The following CCDC178 variants were observed in gnomAD, a reference collection of about 807,000 sequenced individuals.
The protein encoded by CCDC178 is coiled-coil domain-containing protein 178.
In CCDC178, 126 loss-of-function variants were observed where a neutral mutation model predicts 117.4. That is an observed-to-expected ratio of 1.07 (90% CI 0.93 to 1.24). The LOEUF is 1.24. Among genes scored for constraint, CCDC178 ranks in the 50% most tolerant of loss-of-function variants. The pLI is 0.00. For synonymous variants in CCDC178, 283 were observed against 313.4 expected (o/e 0.90, Z 1.02); for missense variants, 1,030 against 986.9 (o/e 1.04, Z -0.59).
At chr18:32,983,636 GTAGA>G (rs1332625611) in intron 21 of CCDC178, among the ~76,000 whole-genome samples, 4 of 152,048 alleles carry the variant, frequency 2.6e-5, no homozygotes, top group Non-Finnish European at 4.4e-5. Context: ...TAGAAAGAAG[GTAGA>G]TAGATAATAG....
intron 20 of CCDC178, among the ~76,000 whole-genome samples, chr18:33,147,356 ATTTTTTT>A (rs575608507): frequency 2.0e-4 from 19 of 94,618 alleles, no homozygotes; most frequent in Middle Eastern, 6.0e-3. Flanking sequence ...TGCCTTTTTA[ATTTTTTT>A]TTTTTTTTTT....
At chr18:33,025,134 A>G (rs558213621) in intron 21 of CCDC178, among the ~76,000 whole-genome samples, 1 of 152,330 alleles carries the variant, frequency 6.6e-6, no homozygotes, top group East Asian at 1.9e-4. Flanking sequence ...AACCAAGTGG[A>G]CTTTGTTGTA....
At position 33,266,895 on chromosome 18, in the gene CCDC178, G is replaced by C. The variant is rs201794599; in HGVS notation, c.1409+21C>G. The stretch of plus-strand genomic sequence containing the variant: ...CATATTGGATTATGGTATATAAGAA[G>C]AAAAGTATTTGCAAATTTACCTTTC... On this transcript the variant is annotated intron_variant, in intron 14 of 22. Transcript: ENST00000383096. 2,197 of 1,518,918 alleles carry C rather than the reference G, an allele frequency of 1.4e-3. 7 individuals carry two copies. Among genetic ancestry groups the C allele is most frequent in the South Asian group, 2.4e-3 (190 of 80,722 alleles). The allele number at this position is 1,518,918 out of a possible 1,614,324, so 94.1% of individuals were successfully genotyped here. A position where few individuals can be genotyped will look rare whatever the true frequency, so the allele number is the denominator to read the frequency against.
intron 20 of CCDC178, among the ~76,000 whole-genome samples, chr18:33,174,203 CA>C (rs1568033941): frequency 6.6e-6 from 1 of 152,034 alleles, no homozygotes; most frequent in Non-Finnish European, 1.5e-5. Context: ...TTTAAACGAC[CA>C]GATCTTGTAA....
intron 6 of CCDC178, among the ~76,000 whole-genome samples, chr18:33,364,963 G>A (rs1568177895): frequency 6.6e-6 from 1 of 152,078 alleles, no homozygotes; most frequent in East Asian, 1.9e-4. Flanking sequence ...CCAGGGGTGG[G>A]AGTGGGGATG....
chr18:33,188,563 A>C (rs1303651048), intron 20 of CCDC178, among the ~76,000 whole-genome samples: 1 of 152,176 alleles, frequency 6.6e-6, no homozygotes, highest in Admixed American at 6.5e-5. Flanking sequence ...TGCTGGTTTA[A>C]GGTGTAAAGG....
In CCDC178 at chr18:33,356,302, A is replaced by G. The variant is rs775512637; in HGVS notation, c.371+22T>C. 6.1e-6 allele frequency: 9 copies of G among 1,470,060 alleles called. 1 individual carries two copies. The South Asian group carries it at 1.0e-4, about 17-fold the overall frequency. The allele number at this position is 1,470,060 out of a possible 1,614,324, so 91.1% of individuals were successfully genotyped here. A position where few individuals can be genotyped will look rare whatever the true frequency, so the allele number is the denominator to read the frequency against. On this transcript the variant is annotated intron_variant, in intron 7 of 22. Coordinates refer to ENST00000383096, the MANE Select transcript of CCDC178 (RefSeq NM_001105528.4). ...TGGACATTAAAAATAAAATAGTTTT[A>G]AAAAGCATGAAATTTTCTTACCATT... is the stretch of plus-strand genomic sequence containing the variant.
intron 15 of CCDC178, among the ~76,000 whole-genome samples, chr18:33,231,011 A>G (rs2059362003): frequency 6.6e-6 from 1 of 152,210 alleles, no homozygotes; most frequent in African/African-American, 2.4e-5. Context: ...ATAGATTCTA[A>G]ATCCACTGGG....
At chr18:32,946,644 A>T (rs1225672992) in intron 22 of CCDC178, among the ~76,000 whole-genome samples, 1 of 151,066 alleles carries the variant, frequency 6.6e-6, no homozygotes, top group Non-Finnish European at 1.5e-5. Flanking sequence ...TATTTAATAT[A>T]GATTTGCTGA....
intron 21 of CCDC178, among the ~76,000 whole-genome samples, chr18:33,051,537 T>C (rs989553067): frequency 3.9e-5 from 6 of 152,216 alleles, no homozygotes; most frequent in Admixed American, 2.6e-4. Flanking sequence ...GACACGAAGA[T>C]TCAGAAAGTG....
chr18:33,063,694 A>C (rs574695275), intron 21 of CCDC178, among the ~76,000 whole-genome samples: 114 of 152,188 alleles, frequency 7.5e-4, no homozygotes, highest in African/African-American at 2.3e-3. Context: ...TAGGCACTCT[A>C]ATATACCTGT....
At chr18:33,378,713 A>T (rs4408612) in intron 5 of CCDC178, among the ~76,000 whole-genome samples, 135,121 of 152,212 alleles carry the variant, frequency 0.89, 62,213 homozygotes, top group East Asian at 1. Context: ...TTTGTTTTTA[A>T]TTCAACTTAT....
intron 21 of CCDC178, among the ~76,000 whole-genome samples, chr18:33,015,651 A>G (rs1187976246): frequency 6.6e-6 from 1 of 152,000 alleles, no homozygotes; most frequent in Non-Finnish European, 1.5e-5. Flanking sequence ...AAAAAAAAAA[A>G]TCCAAAAAGC....
At chr18:33,153,240 G>A (rs927521387) in intron 20 of CCDC178, among the ~76,000 whole-genome samples, 5 of 150,486 alleles carry the variant, frequency 3.3e-5, no homozygotes, top group African/African-American at 9.7e-5. Flanking sequence ...TTTGAAATAC[G>A]ACATTAAATA....
chr18:33,092,711 T>C, intron 21 of CCDC178, 50 bp downstream of exon 21: 6 of 1,320,800 alleles, frequency 4.5e-6, no homozygotes, highest in Non-Finnish European at 6.3e-6. Context: ...ACTTTTGTAG[T>C]GCATATATGA....
intron 22 of CCDC178, among the ~76,000 whole-genome samples, chr18:32,960,803 T>A (rs925267233): frequency 1.3e-5 from 2 of 152,168 alleles, no homozygotes; most frequent in African/African-American, 4.8e-5. Flanking sequence ...TTTCTAATTA[T>A]GTTCAAGATA....
At chr18:33,086,139 T>C (rs1308058540) in intron 21 of CCDC178, among the ~76,000 whole-genome samples, 4 of 152,052 alleles carry the variant, frequency 2.6e-5, no homozygotes, top group Admixed American at 2.6e-4. Flanking sequence ...ACATAGGTTT[T>C]AAGTGATAAA....
intron 20 of CCDC178, among the ~76,000 whole-genome samples, chr18:33,186,405 C>G (rs557605499): frequency 1.3e-5 from 2 of 152,044 alleles, no homozygotes; most frequent in African/African-American, 2.4e-5. Flanking sequence ...GTAGACCAGA[C>G]GCACTGACCA....
chr18:33,183,150 TC>T (rs2058750458), intron 20 of CCDC178, among the ~76,000 whole-genome samples: 1 of 152,048 alleles, frequency 6.6e-6, no homozygotes, highest in Admixed American at 6.6e-5. Flanking sequence ...TTTCAGGGGC[TC>T]TTTTTTTGTT....
Sources: allele counts gnomAD v4.1 joint callset (sites outside exome capture counted in the v4.1 genomes callset), GRCh38; gene constraint gnomAD v4.1.1; transcripts MANE v1.5; gene names NCBI Gene and HGNC (gene_info 2026-07-23, HGNC 2026-07-21).